The following LRMDA variants were observed in gnomAD, a reference collection of about 807,000 sequenced individuals.
LRMDA encodes the protein leucine-rich melanocyte differentiation-associated protein.
Under a neutral mutation model 29.8 loss-of-function variants are expected in LRMDA, and 18 were observed. That is an observed-to-expected ratio of 0.60 (90% CI 0.42 to 0.90). The LOEUF is 0.90. Ranked by LOEUF, LRMDA falls within the 40% of genes least tolerant of loss-of-function variation. LRMDA has a pLI of 0.00. For missense variants in LRMDA, 273 were observed against 273.9 expected (o/e 1.00, Z 0.02); for synonymous variants, 125 against 109.4 (o/e 1.14, Z -0.89).
At chr10:75,703,183 G>GT (rs144498869) in intron 2 of LRMDA, among the ~76,000 whole-genome samples, 6 of 151,360 alleles carry the variant, frequency 4.0e-5, no homozygotes, top group South Asian at 2.1e-4. Flanking sequence ...ATATACTGCA[G>GT]TTTTTTTTTC....
At chr10:76,207,938 T>C (rs989866668) in intron 5 of LRMDA, among the ~76,000 whole-genome samples, 2 of 152,030 alleles carry the variant, frequency 1.3e-5, no homozygotes, top group African/African-American at 2.4e-5. Context: ...CACTCCAGCA[T>C]GGGTGACAGA....
At chr10:75,674,512 A>G (rs1841937774) in intron 2 of LRMDA, among the ~76,000 whole-genome samples, 1 of 152,174 alleles carries the variant, frequency 6.6e-6, no homozygotes, top group South Asian at 2.1e-4. Flanking sequence ...AGAGAATATT[A>G]TCGCTCTCTA....
rs574190179 is a variant in LRMDA at position 75,534,431 on chromosome 10, G to A, written c.131+95937G>A. Among the ~76,000 whole-genome samples, 7 of 122,332 alleles carry A rather than the reference G, an allele frequency of 5.7e-5. No individual in the cohort carries two copies. The South Asian group carries it at 1.0e-3, about 18-fold the overall frequency. The allele number at this position is 122,332 out of a possible 152,430, so 80.3% of individuals were successfully genotyped here. ...GTGGCATTTAAGACTGTTTCTAGCCGTCCTGACTCTTAGAACTTTGCTTTC... is the reference window on the plus strand; with the variant it reads ...GTGGCATTTAAGACTGTTTCTAGCCATCCTGACTCTTAGAACTTTGCTTTC... On this transcript the variant is annotated intron_variant, in intron 2 of 6. Transcript: ENST00000611255.
intron 4 of LRMDA, among the ~76,000 whole-genome samples, chr10:76,057,808 T>C (rs1051415824): frequency 6.6e-6 from 1 of 152,216 alleles, no homozygotes; most frequent in Non-Finnish European, 1.5e-5. Context: ...ATGGAAAGCA[T>C]CTTGGTTAGT....
At chr10:75,913,526 G>A (rs1041355983) in intron 2 of LRMDA, among the ~76,000 whole-genome samples, 1 of 152,096 alleles carries the variant, frequency 6.6e-6, no homozygotes, top group African/African-American at 2.4e-5. Context: ...AAACATTTTT[G>A]TAGTCTCTAA....
intron 6 of LRMDA, among the ~76,000 whole-genome samples, chr10:76,471,730 A>G (rs1481781483): frequency 2.0e-5 from 3 of 151,804 alleles, no homozygotes; most frequent in African/African-American, 7.2e-5. Context: ...AATTGAAAAG[A>G]TGTATCATGC....
intron 2 of LRMDA, among the ~76,000 whole-genome samples, chr10:75,633,081 G>A (rs1227209134): frequency 6.6e-6 from 1 of 152,020 alleles, no homozygotes; most frequent in Non-Finnish European, 1.5e-5. Context: ...TGTCTCCCAA[G>A]GCATTGAGAG....
chr10:75,902,235 C>G (rs906056036), intron 2 of LRMDA, among the ~76,000 whole-genome samples: 4 of 152,180 alleles, frequency 2.6e-5, no homozygotes, highest in Non-Finnish European at 4.4e-5. Flanking sequence ...AGATAGGACC[C>G]AGGGAAGAGG....
intron 2 of LRMDA, among the ~76,000 whole-genome samples, chr10:75,442,992 G>A (rs1166410149): frequency 6.6e-6 from 1 of 151,898 alleles, no homozygotes; most frequent in Non-Finnish European, 1.5e-5. Context: ...TTGTAAATGG[G>A]ATTAAGTTTT....
intron 2 of LRMDA, among the ~76,000 whole-genome samples, chr10:75,925,292 G>T (rs1784803332): frequency 2.6e-5 from 4 of 151,936 alleles, no homozygotes; most frequent in South Asian, 4.2e-4. Context: ...GGTTAATTTG[G>T]TCATCTTGCA....
At position 76,433,490 on chromosome 10, in the gene LRMDA, G is replaced by A. The variant is rs754817380; in HGVS notation, c.601+109005G>A. 4.3e-4 allele frequency among the ~76,000 whole-genome samples: 65 copies of A among 152,198 alleles called. 1 individual carries two copies. Among genetic ancestry groups the A allele is most frequent in the Non-Finnish European group, 1.6e-4 (11 of 68,034 alleles). The stretch of plus-strand genomic sequence containing the variant: ...TGGCGTGCATTTCTTGGACAGGCAG[G>A]TGGAGCACGGCCTGTCCTGGGGTCC... On this transcript the variant is annotated intron_variant, in intron 6 of 6. Transcript: ENST00000611255.
chr10:75,452,575 C>T lies in LRMDA; in HGVS notation c.131+14081C>T, dbSNP rs200476990. 8.5e-5 allele frequency among the ~76,000 whole-genome samples: 10 copies of T among 117,328 alleles called. 1 individual carries two copies. Among genetic ancestry groups the T allele is most frequent in the African/African-American group, 1.6e-4 (5 of 30,560 alleles). 77.0% of individuals were successfully genotyped at this position (117,328 alleles called of 152,430 possible). A position where few individuals can be genotyped will look rare whatever the true frequency, so the allele number is the denominator to read the frequency against. ...AAAACTCAGTGATTTCAGGATATGA[C>T]TTTTTTTTTTTTTTTTTTAATGTAT... On this transcript the variant is annotated intron_variant, in intron 2 of 6. Transcript: ENST00000611255.
intron 2 of LRMDA, among the ~76,000 whole-genome samples, chr10:75,501,676 AT>A (rs1414424988): frequency 6.6e-6 from 1 of 152,244 alleles, no homozygotes; most frequent in Admixed American, 6.5e-5. Flanking sequence ...AAGAGGGTAT[AT>A]CTGCACTACA....
intron 2 of LRMDA, among the ~76,000 whole-genome samples, chr10:75,491,031 T>C (rs940886660): frequency 3.3e-4 from 50 of 152,184 alleles, no homozygotes; most frequent in African/African-American, 1.2e-3. Flanking sequence ...TGACCACCAC[T>C]CCCACATACC....
intron 2 of LRMDA, among the ~76,000 whole-genome samples, chr10:75,854,823 T>C (rs1484456843): frequency 6.6e-6 from 1 of 152,086 alleles, no homozygotes; most frequent in Non-Finnish European, 1.5e-5. Context: ...CAGTGTTTGA[T>C]TTTTCGTTCT....
At chr10:75,781,836 G>T (rs1448656423) in intron 2 of LRMDA, among the ~76,000 whole-genome samples, 1 of 152,176 alleles carries the variant, frequency 6.6e-6, no homozygotes, top group African/African-American at 2.4e-5. Flanking sequence ...GAGAATTGAG[G>T]TGGTAACTTG....
chr10:76,517,963 C>G (rs974809084), intron 6 of LRMDA, among the ~76,000 whole-genome samples: 1 of 141,626 alleles, frequency 7.1e-6, no homozygotes. Flanking sequence ...TATATGTAAT[C>G]AAGAAAAGAG....
intron 6 of LRMDA, among the ~76,000 whole-genome samples, chr10:76,407,802 A>G (rs952608070): frequency 2.0e-5 from 3 of 152,214 alleles, no homozygotes; most frequent in Non-Finnish European, 2.9e-5. Flanking sequence ...CAATTTCTTC[A>G]TTTAACTACA....
At chr10:75,974,228 G>A (rs1231571778) in intron 2 of LRMDA, among the ~76,000 whole-genome samples, 2 of 152,160 alleles carry the variant, frequency 1.3e-5, no homozygotes, top group African/African-American at 2.4e-5. Flanking sequence ...CAACATGGAG[G>A]GGAGGCAAAC....
Sources: allele counts gnomAD v4.1 joint callset (sites outside exome capture counted in the v4.1 genomes callset), GRCh38; gene constraint gnomAD v4.1.1; transcripts MANE v1.5; gene names NCBI Gene and HGNC (gene_info 2026-07-23, HGNC 2026-07-21).